The following CDH13 variants were observed in gnomAD, a reference collection of about 807,000 sequenced individuals.
CDH13 encodes cadherin 13.
In CDH13, 24 loss-of-function variants were observed where a neutral mutation model predicts 63.8. That is an observed-to-expected ratio of 0.38 (90% CI 0.27 to 0.53). CDH13 has a LOEUF of 0.53. CDH13 is among the 20% of genes least tolerant of loss of function. CDH13 has a pLI of 0.85. For synonymous variants in CDH13, 503 were observed against 355.3 expected (o/e 1.42, Z -4.67); for missense variants, 1,049 against 903.1 (o/e 1.16, Z -2.07).
intron 1 of CDH13, among the ~76,000 whole-genome samples, chr16:82,671,007 G>A (rs1021319702): frequency 2.0e-5 from 3 of 152,102 alleles, no homozygotes. Context: ...TTAACTATGT[G>A]TCATACACTA....
At chr16:82,974,316 C>A (rs1479514502) in intron 2 of CDH13, among the ~76,000 whole-genome samples, 2 of 152,192 alleles carry the variant, frequency 1.3e-5, no homozygotes, top group African/African-American at 4.8e-5. Flanking sequence ...TGTGTCCTTG[C>A]ATCTTCCACA....
At chr16:83,648,435 G>A (rs751994597) in intron 8 of CDH13, among the ~76,000 whole-genome samples, 27 of 152,134 alleles carry the variant, frequency 1.8e-4, no homozygotes, top group African/African-American at 5.6e-4. Context: ...AGGCATCACC[G>A]TGACTTGCCA....
In CDH13 at chr16:83,799,426, C is replaced by A. The variant is rs1284131953; in HGVS notation, c.*4396C>A. The A allele has an allele frequency of 6.6e-6, 1 of 151,910 alleles. No homozygotes were observed. The highest frequency in any genetic ancestry group is 2.4e-5 in the African/African-American group (1 of 41,344). 9.4% of individuals were successfully genotyped at this position (151,910 alleles called of 1,614,324 possible). A position where few individuals can be genotyped will look rare whatever the true frequency, so the allele number is the denominator to read the frequency against. The stretch of plus-strand genomic sequence containing the variant: ...GTGGGGTGGGGTCTCAAAGGGTTTG[C>A]ACTGTGCTTTGCTATAAATCATTCA... On this transcript the variant is annotated 3_prime_UTR_variant, in exon 14 of 14. Transcript: ENST00000567109.
intron 2 of CDH13, among the ~76,000 whole-genome samples, chr16:82,881,491 C>A (rs1174036755): frequency 6.6e-6 from 1 of 152,142 alleles, no homozygotes; most frequent in Non-Finnish European, 1.5e-5. Flanking sequence ...CCATTACAAT[C>A]TGTTTTTGGA....
intron 1 of CDH13, among the ~76,000 whole-genome samples, chr16:82,848,563 A>C (rs111687353): frequency 7.2e-6 from 1 of 138,350 alleles, no homozygotes; most frequent in South Asian, 2.5e-4. Flanking sequence ...TGATGTTACT[A>C]TTGTGATTTT....
chr16:83,248,377 T>G (rs1905172341), intron 5 of CDH13, among the ~76,000 whole-genome samples: 1 of 152,158 alleles, frequency 6.6e-6, no homozygotes, highest in Admixed American at 6.5e-5. Context: ...TCCTATGCTC[T>G]TGGGAGCTTA....
intron 5 of CDH13, among the ~76,000 whole-genome samples, chr16:83,242,948 C>G (rs1181409453): frequency 6.6e-6 from 1 of 152,206 alleles, no homozygotes; most frequent in Non-Finnish European, 1.5e-5. Context: ...AAAAACTATT[C>G]AGCTTTTCTT....
intron 7 of CDH13, among the ~76,000 whole-genome samples, chr16:83,544,366 C>T (rs1053240087): frequency 6.6e-6 from 1 of 152,072 alleles, no homozygotes; most frequent in Non-Finnish European, 1.5e-5. Flanking sequence ...AGATGCTCCT[C>T]AACTTACGAT....
intron 2 of CDH13, among the ~76,000 whole-genome samples, chr16:82,935,987 C>T (rs1597247559): frequency 6.6e-6 from 1 of 152,138 alleles, no homozygotes; most frequent in Non-Finnish European, 1.5e-5. Context: ...AGTGCTCACC[C>T]ATTGGTTCTG....
At chr16:83,018,382 G>GA (rs925010056) in intron 2 of CDH13, among the ~76,000 whole-genome samples, 2 of 152,106 alleles carry the variant, frequency 1.3e-5, no homozygotes, top group Admixed American at 6.6e-5. Context: ...CATTGTAAGT[G>GA]AAAAAATGAT....
chr16:83,422,375 G>A (rs1383772841), intron 6 of CDH13, among the ~76,000 whole-genome samples: 1 of 152,174 alleles, frequency 6.6e-6, no homozygotes, highest in African/African-American at 2.4e-5. Flanking sequence ...AGTGAATTTT[G>A]ATCATGATGA....
intron 7 of CDH13, among the ~76,000 whole-genome samples, chr16:83,594,798 C>G (rs8046980): frequency 7.3e-4 from 111 of 152,274 alleles, no homozygotes; most frequent in African/African-American, 2.6e-3. Context: ...GTGTGGAAGT[C>G]ATTGTAGCTG....
At chr16:83,323,809 T>A (rs1044080267) in intron 5 of CDH13, among the ~76,000 whole-genome samples, 1 of 152,190 alleles carries the variant, frequency 6.6e-6, no homozygotes, top group African/African-American at 2.4e-5. Flanking sequence ...CTCTTGTTCC[T>A]CTTTAGTACA....
At chr16:83,055,877 T>G (rs917026119) in intron 3 of CDH13, among the ~76,000 whole-genome samples, 3 of 152,108 alleles carry the variant, frequency 2.0e-5, no homozygotes, top group African/African-American at 7.2e-5. Context: ...AGTAAAAACC[T>G]GTGCTCATCA....
chr16:83,310,784 C>T (rs757373967), intron 5 of CDH13, among the ~76,000 whole-genome samples: 17 of 152,294 alleles, frequency 1.1e-4, no homozygotes, highest in Non-Finnish European at 2.1e-4. Flanking sequence ...GAACAATAAC[C>T]TAGGACCCTG....
At chr16:82,713,276 T>G (rs1564022) in intron 1 of CDH13, among the ~76,000 whole-genome samples, 1 of 151,956 alleles carries the variant, frequency 6.6e-6, no homozygotes, top group South Asian at 2.1e-4. Context: ...GATCTGCAAC[T>G]GGAACATGCT....
chr16:83,568,147 A>C (rs1567770934), intron 7 of CDH13, among the ~76,000 whole-genome samples: 1 of 152,150 alleles, frequency 6.6e-6, no homozygotes, highest in African/African-American at 2.4e-5. Flanking sequence ...TGGTCTGAAT[A>C]CATGTGCTGG....
chr16:83,153,500 G>T (rs2037078541), intron 4 of CDH13, among the ~76,000 whole-genome samples: 1 of 152,162 alleles, frequency 6.6e-6, no homozygotes, highest in South Asian at 2.1e-4. Flanking sequence ...AAAGAGGTTT[G>T]TTTCGGGAAA....
chr16:83,400,255 C>T (rs1291370579), intron 6 of CDH13, among the ~76,000 whole-genome samples: 2 of 152,116 alleles, frequency 1.3e-5, no homozygotes, highest in Non-Finnish European at 2.9e-5. Context: ...TGTGGCTGCC[C>T]TTTCTCTTCT....
Sources: allele counts gnomAD v4.1 joint callset (sites outside exome capture counted in the v4.1 genomes callset), GRCh38; gene constraint gnomAD v4.1.1; transcripts MANE v1.5; gene names NCBI Gene and HGNC (gene_info 2026-07-23, HGNC 2026-07-21).